HRK: variants seen among roughly 807,000 people sequenced by gnomAD.
HRK encodes the protein harakiri, BCL2 interacting protein.
In HRK, 6 loss-of-function variants were observed where a neutral mutation model predicts 5.9. That is an observed-to-expected ratio of 1.02 (90% CI 0.56 to 2.01). The LOEUF is 2.01. Ranked by LOEUF, HRK falls within the 30% of genes most tolerant of loss-of-function variation. The pLI is 0.00. For missense variants in HRK, 133 were observed against 128.3 expected (o/e 1.04, Z -0.18); for synonymous variants, 85 against 65.1 (o/e 1.31, Z -1.47).
Position 116,881,129 on chromosome 12 carries a change from G to T in HRK, c.179C>A (p.Pro60Gln). The T allele has an allele frequency of 8.3e-7, 1 of 1,210,596 alleles. No individual in the cohort carries two copies. Among genetic ancestry groups the T allele is most frequent in the Non-Finnish European group, 1.0e-6 (1 of 975,328 alleles). 75.0% of individuals were successfully genotyped at this position (1,210,596 alleles called of 1,614,324 possible). Residue 60 changes from proline to glutamine, a missense_variant, in exon 1 of 2, where the codon CCG (proline) becomes CAG (glutamine). Coordinates refer to ENST00000257572, the MANE Select transcript of HRK (RefSeq NM_003806.4). ...WRRRARSRRA[P>Q]APGALPTYWP... ...GTAGGTGGGGAGCGCGCCGGGCGCC[G>T]GCGCCCTCCGGCTCCGCGCGCGGCG... is the stretch of plus-strand genomic sequence containing the variant.
At chr12:116,866,175 A>AAAAAAG in intron 1 of HRK, among the ~76,000 whole-genome samples, 1 of 150,382 alleles carries the variant, frequency 6.6e-6, no homozygotes. Context: ...AAAAAAAAAA[A>AAAAAAG]GCAGTTTCTC....
chr12:116,873,532 C>G (rs1048119419), intron 1 of HRK, among the ~76,000 whole-genome samples: 2 of 151,866 alleles, frequency 1.3e-5, no homozygotes, highest in African/African-American at 4.8e-5. Flanking sequence ...GACCACCATA[C>G]CTCACTAATT....
chr12:116,874,208 C>T (rs565083804), intron 1 of HRK, among the ~76,000 whole-genome samples: 31 of 152,270 alleles, frequency 2.0e-4, no homozygotes, highest in African/African-American at 7.2e-4. Context: ...TCTCTGCATC[C>T]CTGCATCTGG....
chr12:116,872,895 GAA>G (rs1393329327), intron 1 of HRK, among the ~76,000 whole-genome samples: 2 of 118,968 alleles, frequency 1.7e-5, no homozygotes, highest in Admixed American at 1.1e-4. Flanking sequence ...GGGAGGGAAA[GAA>G]AGAGAGAAAA....
At chr12:116,872,246 T>C (rs1024923988) in intron 1 of HRK, among the ~76,000 whole-genome samples, 10 of 152,048 alleles carry the variant, frequency 6.6e-5, no homozygotes, top group Non-Finnish European at 1.2e-4. Context: ...GGCAGGCACC[T>C]GTAATCCCAG....
chr12:116,881,007 G>C lies in HRK; in HGVS notation c.*25C>G, dbSNP rs998251877. ...CTCGCTCCGGCTGGGTCTCGGCTCC[G>C]GCCCCACCAAGAAGCCCCGCGTTCC... On this transcript the variant is annotated 3_prime_UTR_variant, in exon 1 of 2. Coordinates refer to ENST00000257572, the MANE Select transcript of HRK (RefSeq NM_003806.4). 8 of 1,311,256 alleles carry C rather than the reference G, an allele frequency of 6.1e-6. No homozygotes were observed. The highest frequency in any genetic ancestry group is 7.8e-6 in the Non-Finnish European group (8 of 1,032,126). 81.2% of individuals were successfully genotyped at this position (1,311,256 alleles called of 1,614,324 possible). A position where few individuals can be genotyped will look rare whatever the true frequency, so the allele number is the denominator to read the frequency against.
intron 1 of HRK, chr12:116,876,814 A>T (rs1878947898): frequency 6.6e-6 from 1 of 152,220 alleles, no homozygotes. Flanking sequence ...GAAGAAAGGG[A>T]ATTTCACTTG....
At chr12:116,880,541 A>G (rs1879107446) in intron 1 of HRK, among the ~76,000 whole-genome samples, 1 of 152,194 alleles carries the variant, frequency 6.6e-6, no homozygotes, top group Non-Finnish European at 1.5e-5. Context: ...GGGGCGACTC[A>G]GGAACGGCAA....
intron 1 of HRK, among the ~76,000 whole-genome samples, chr12:116,864,360 T>C (rs1878464974): frequency 6.6e-6 from 1 of 152,208 alleles, no homozygotes; most frequent in South Asian, 2.1e-4. Flanking sequence ...TAAGGCCAGG[T>C]GCCTGCTTTA....
In HRK at chr12:116,881,400, CG is replaced by C; in HGVS notation, c.-94del. The C allele has an allele frequency of 2.0e-6, 2 of 984,852 alleles. No individual in the cohort carries two copies. Among genetic ancestry groups the C allele is most frequent in the Non-Finnish European group, 1.2e-6 (1 of 825,104 alleles). 61.0% of individuals were successfully genotyped at this position (984,852 alleles called of 1,614,324 possible). A position where few individuals can be genotyped will look rare whatever the true frequency, so the allele number is the denominator to read the frequency against. ...CCCGCTGCCGCCGCGCTCCAGCCGC[CG>C]GGGGCCTCCCCTGGACACCAAGTTT... On this transcript the variant is annotated 5_prime_UTR_variant, in exon 1 of 2. Coordinates refer to ENST00000257572, the MANE Select transcript of HRK (RefSeq NM_003806.4).
intron 1 of HRK, among the ~76,000 whole-genome samples, chr12:116,873,904 C>A (rs150953967): frequency 1.2e-3 from 188 of 152,230 alleles, no homozygotes; most frequent in Non-Finnish European, 1.8e-3. Context: ...ATCAGAAATC[C>A]CCCACCCAAC....
At chr12:116,877,894 A>T (rs1878995975) in intron 1 of HRK, among the ~76,000 whole-genome samples, 1 of 152,158 alleles carries the variant, frequency 6.6e-6, no homozygotes, top group African/African-American at 2.4e-5. Flanking sequence ...ATGTATGTGT[A>T]TATACACATA....
Position 116,881,033 on chromosome 12 carries a change from T to A in HRK, c.275A>T (p.Ter92LeuextTer55). 1 of 1,343,392 alleles carries A rather than the reference T, an allele frequency of 7.4e-7. No homozygotes were observed. The highest frequency in any genetic ancestry group is 9.5e-7 in the Non-Finnish European group (1 of 1,047,776). 83.2% of individuals were successfully genotyped at this position (1,343,392 alleles called of 1,614,324 possible). ...AAWLLGRRNL[*>L] ...GCCCCACCAAGAAGCCCCGCGTTCC[T>A]ACAAGTTCCGCCTGCCGAGCAGCCA... The change falls in exon 1 of 2, where the codon TAG (stop) becomes TTG (leucine). Residue 92 changes from the stop codon to leucine, a stop_lost. Transcript: ENST00000257572.
At chr12:116,872,596 A>G (rs1252893804) in intron 1 of HRK, among the ~76,000 whole-genome samples, 2 of 150,890 alleles carry the variant, frequency 1.3e-5, no homozygotes, top group Non-Finnish European at 3.0e-5. Context: ...GCAACATAGC[A>G]AAACCCTGTC....
rs1228907851 is a variant in HRK at position 116,857,150 on chromosome 12, C to G, written c.*4373G>C. On this transcript the variant is annotated 3_prime_UTR_variant, in exon 2 of 2. Transcript: ENST00000257572. ...GACAAATCTGTTAAACATCGTGAAC[C>G]AGACTGGAAAGGAACATTTCACATC... 6.6e-6 allele frequency: 1 copy of G among 152,226 alleles called. No individual in the cohort carries two copies. Among genetic ancestry groups the G allele is most frequent in the Non-Finnish European group, 1.5e-5 (1 of 68,046 alleles). The allele number at this position is 152,226 out of a possible 1,614,324, so 9.4% of individuals were successfully genotyped here.
intron 1 of HRK, among the ~76,000 whole-genome samples, chr12:116,874,766 T>C (rs1878873477): frequency 6.6e-6 from 1 of 152,158 alleles, no homozygotes; most frequent in African/African-American, 2.4e-5. Context: ...TGCCATGCTG[T>C]GAGGAAGCCC....
chr12:116,880,729 T>A (rs1879115222), intron 1 of HRK, among the ~76,000 whole-genome samples: 1 of 151,866 alleles, frequency 6.6e-6, no homozygotes, highest in Non-Finnish European at 1.5e-5. Flanking sequence ...GAGCTATAAG[T>A]GAGTAGCAAG....
Position 116,859,248 on chromosome 12 carries a change from C to A in HRK, c.*2275G>T, listed in dbSNP as rs185060699. ...AAACATCAAAAGCCAGTAGGCAAGT[C>A]GGGGCTGAAAAAGGGATCCTCTCAC... On this transcript the variant is annotated 3_prime_UTR_variant, in exon 2 of 2. Transcript: ENST00000257572. 1 of 152,086 alleles carries A rather than the reference C, an allele frequency of 6.6e-6. No homozygotes were observed. The highest frequency in any genetic ancestry group is 1.5e-5 in the Non-Finnish European group (1 of 68,022). The allele number at this position is 152,086 out of a possible 1,614,324, so 9.4% of individuals were successfully genotyped here. A position where few individuals can be genotyped will look rare whatever the true frequency, so the allele number is the denominator to read the frequency against.
chr12:116,877,886 G>A lies in HRK; in HGVS notation c.*56+3090C>T, dbSNP rs143670576. ...CTCAAAACAAGTATGCTGGATATAT[G>A]TATGTGTATATACACATATATGTTT... On this transcript the variant is annotated intron_variant, in intron 1 of 1. Coordinates refer to ENST00000257572, the MANE Select transcript of HRK (RefSeq NM_003806.4). Among the ~76,000 whole-genome samples, 584 of 152,264 alleles carry A rather than the reference G, an allele frequency of 3.8e-3. 3 individuals carry two copies. Among genetic ancestry groups the A allele is most frequent in the African/African-American group, 0.013 (548 of 41,556 alleles).
Sources: gnomAD v4.1 joint callset for allele counts (sites outside exome capture counted in the v4.1 genomes callset) on GRCh38, gnomAD v4.1.1 for gene constraint, MANE v1.5 for transcripts, NCBI Gene and HGNC (gene_info 2026-07-23, HGNC 2026-07-21) for gene names.